FCHSD2: variants seen among roughly 807,000 people sequenced by gnomAD.
FCHSD2 encodes the protein FCH and double SH3 domains 2, also known as F-BAR and double SH3 domains protein 2.
Under a neutral mutation model 108.1 loss-of-function variants are expected in FCHSD2, and 38 were observed. The observed-to-expected ratio is 0.35, with a 90% CI of 0.27 to 0.46. The LOEUF (loss-of-function observed/expected upper bound fraction) is 0.46, where lower values mean the gene tolerates loss of function less well. Ranked by LOEUF, FCHSD2 falls within the 20% of genes least tolerant of loss-of-function variation. FCHSD2 has a pLI of 1.00. For synonymous variants in FCHSD2, 279 were observed against 314.7 expected (o/e 0.89, Z 1.20); for missense variants, 751 against 897.8 (o/e 0.84, Z 2.09).
chr11:72,863,268 G>A (rs1854640593), intron 13 of FCHSD2, among the ~76,000 whole-genome samples: 1 of 151,776 alleles, frequency 6.6e-6, no homozygotes, highest in South Asian at 2.1e-4. Context: ...GCAATTCAGT[G>A]GCGAAAGGAC....
intron 14 of FCHSD2, among the ~76,000 whole-genome samples, chr11:72,846,871 G>T (rs138193944): frequency 1.3e-5 from 2 of 151,980 alleles, no homozygotes; most frequent in South Asian, 2.1e-4. Context: ...AGGACATAAG[G>T]GTTTCTTCTT....
intron 8 of FCHSD2, among the ~76,000 whole-genome samples, chr11:72,966,252 C>T (rs563624490): frequency 2.0e-5 from 3 of 151,876 alleles, no homozygotes; most frequent in East Asian, 1.9e-4. Flanking sequence ...CTCTGCCTCC[C>T]GGGTTCATGC....
chr11:72,887,602 T>C (rs1342435204), intron 11 of FCHSD2, 28 bp from the exon 12 acceptor site: 5 of 1,381,954 alleles, frequency 3.6e-6, no homozygotes, highest in Non-Finnish European at 4.9e-6. Flanking sequence ...ACAATAATGA[T>C]GACTGTTTTT....
intron 8 of FCHSD2, 173 bp downstream of exon 8, chr11:72,983,915 A>C: frequency 1.4e-6 from 1 of 701,266 alleles, no homozygotes; most frequent in Non-Finnish European, 2.6e-6. Flanking sequence ...CTAAAAATTA[A>C]TTCCAAATTA....
intron 2 of FCHSD2, among the ~76,000 whole-genome samples, chr11:73,133,506 G>T (rs1861051136): frequency 6.6e-6 from 1 of 152,058 alleles, no homozygotes; most frequent in Admixed American, 6.6e-5. Context: ...GGGCGCAGTG[G>T]CTCATGCCTG....
intron 3 of FCHSD2, among the ~76,000 whole-genome samples, chr11:73,056,736 C>G (rs569413279): frequency 1.3e-5 from 2 of 152,218 alleles, no homozygotes; most frequent in African/African-American, 4.8e-5. Context: ...CAGGAGAGCA[C>G]ATGAGAGCCA....
At chr11:72,999,888 AAC>A (rs922523491) in intron 5 of FCHSD2, among the ~76,000 whole-genome samples, 25 of 102,832 alleles carry the variant, frequency 2.4e-4, no homozygotes, top group African/African-American at 4.5e-4. Context: ...CACACACACA[AAC>A]ACACACACAC....
At chr11:72,961,405 TTTGTTG>T (rs145240576) in intron 8 of FCHSD2, among the ~76,000 whole-genome samples, 2,713 of 151,114 alleles carry the variant, frequency 0.018, 78 homozygotes, top group African/African-American at 0.063. Flanking sequence ...TAAGAAGTTT[TTTGTTG>T]TTGTTGTTGT....
intron 3 of FCHSD2, among the ~76,000 whole-genome samples, chr11:73,070,827 GGTTA>G: frequency 6.6e-6 from 1 of 152,088 alleles, no homozygotes; most frequent in Non-Finnish European, 1.5e-5. Flanking sequence ...ACACCTCAGT[GGTTA>G]GTTAAGTGAG....
intron 2 of FCHSD2, among the ~76,000 whole-genome samples, chr11:73,111,196 A>C (rs756111481): frequency 6.6e-6 from 1 of 152,172 alleles, no homozygotes; most frequent in Non-Finnish European, 1.5e-5. Flanking sequence ...TTCGGTCTAT[A>C]GTACAGATTA....
At chr11:72,996,058 A>G (rs1399216982) in intron 5 of FCHSD2, among the ~76,000 whole-genome samples, 1 of 152,206 alleles carries the variant, frequency 6.6e-6, no homozygotes, top group African/African-American at 2.4e-5. Context: ...TGGGAGAATG[A>G]GGATAAAAGG....
chr11:72,908,263 T>C (rs991085401), intron 9 of FCHSD2, among the ~76,000 whole-genome samples: 1 of 152,240 alleles, frequency 6.6e-6, no homozygotes, highest in Non-Finnish European at 1.5e-5. Flanking sequence ...ATACCACATT[T>C]TCTCTATCCG....
At chr11:73,111,161 A>C (rs1860475025) in intron 2 of FCHSD2, among the ~76,000 whole-genome samples, 1 of 152,172 alleles carries the variant, frequency 6.6e-6, no homozygotes, top group African/African-American at 2.4e-5. Context: ...CCACTGGATG[A>C]AATGTTCTGT....
chr11:72,937,461 A>G (rs1027905222), intron 8 of FCHSD2, among the ~76,000 whole-genome samples: 5 of 152,174 alleles, frequency 3.3e-5, no homozygotes, highest in East Asian at 3.9e-4. Context: ...ATGCTGGCCA[A>G]TTTGAGTATT....
intron 3 of FCHSD2, among the ~76,000 whole-genome samples, chr11:73,018,505 T>C (rs993702384): frequency 6.6e-6 from 1 of 151,110 alleles, no homozygotes; most frequent in African/African-American, 2.4e-5. Flanking sequence ...CTCCATCAGG[T>C]ACAGATCTTG....
intron 9 of FCHSD2, among the ~76,000 whole-genome samples, chr11:72,910,756 T>C (rs1855747313): frequency 6.7e-6 from 1 of 148,626 alleles, no homozygotes; most frequent in African/African-American, 2.5e-5. Flanking sequence ...GCTGACCTTC[T>C]CTCCACTATT....
chr11:73,116,838 A>G (rs1051528988), intron 2 of FCHSD2, among the ~76,000 whole-genome samples: 2 of 152,114 alleles, frequency 1.3e-5, no homozygotes, highest in African/African-American at 2.4e-5. Flanking sequence ...CGCCTGGCCC[A>G]TATCTCTTTT....
chr11:73,131,283 C>G (rs960988646), intron 2 of FCHSD2, among the ~76,000 whole-genome samples: 1 of 150,396 alleles, frequency 6.6e-6, no homozygotes, highest in Non-Finnish European at 1.5e-5. Context: ...TGTGGGAGGC[C>G]GAGGCAGGTG....
intron 8 of FCHSD2, among the ~76,000 whole-genome samples, chr11:72,929,398 T>G (rs1413902031): frequency 6.6e-6 from 1 of 152,212 alleles, no homozygotes; most frequent in Admixed American, 6.5e-5. Flanking sequence ...GTGATACTCA[T>G]TAACCTGCAC....
Sources: gnomAD v4.1 joint callset for allele counts (sites outside exome capture counted in the v4.1 genomes callset) on GRCh38, gnomAD v4.1.1 for gene constraint, MANE v1.5 for transcripts, NCBI Gene and HGNC (gene_info 2026-07-23, HGNC 2026-07-21) for gene names.